Variants in MN1 observed in about 807,000 individuals in gnomAD.
The protein encoded by MN1 is transcriptional activator MN1.
MN1 carries 19 observed loss-of-function variants against 86.9 expected under a neutral mutation model. That is an observed-to-expected ratio of 0.22 (90% CI 0.15 to 0.32). The LOEUF (loss-of-function observed/expected upper bound fraction) is 0.32, where lower values mean the gene tolerates loss of function less well. Ranked by LOEUF, MN1 falls within the 10% of genes least tolerant of loss-of-function variation. The pLI, the probability that MN1 is intolerant of heterozygous loss-of-function variation, is 1.00. For synonymous variants in MN1, 928 were observed against 849.6 expected (o/e 1.09, Z -1.60); for missense variants, 1,841 against 1,862.0 (o/e 0.99, Z 0.21).
intron 1 of MN1, among the ~76,000 whole-genome samples, chr22:27,785,504 TTCTC>T (rs1933118457): frequency 1.3e-5 from 2 of 152,252 alleles, no homozygotes; most frequent in African/African-American, 4.8e-5. Flanking sequence ...TTCCAGCTCT[TTCTC>T]TCTTCGATTC....
intron 1 of MN1, among the ~76,000 whole-genome samples, chr22:27,770,152 C>T (rs533382442): frequency 1.4e-3 from 216 of 152,334 alleles, no homozygotes; most frequent in African/African-American, 4.8e-3. Context: ...TTACAACCTT[C>T]CCTCCCAAAT....
At chr22:27,777,084 C>G (rs1439716258) in intron 1 of MN1, among the ~76,000 whole-genome samples, 2 of 152,204 alleles carry the variant, frequency 1.3e-5, no homozygotes, top group Non-Finnish European at 2.9e-5. Context: ...TCCCTACAAT[C>G]CCTTTACCGC....
In MN1 at chr22:27,801,103, C is replaced by A. The variant is rs1281146648; in HGVS notation, c.-560G>T. ...CTCCCCCCGCCCCCCGGAGTCCCCG[C>A]GCCCCGCAGCCCGAGCCTCCACCGA... On this transcript the variant is annotated 5_prime_UTR_variant, in exon 1 of 2. Transcript: ENST00000302326. The A allele has an allele frequency of 1.7e-5, 4 of 231,404 alleles. No individual in the cohort carries two copies. The highest frequency in any genetic ancestry group is 2.6e-5 in the Non-Finnish European group (3 of 116,492). The allele number at this position is 231,404 out of a possible 1,614,324, so 14.3% of individuals were successfully genotyped here.
rs146705271 is a variant in MN1, at chr22:27,783,961, C to T, written c.3781+12802G>A. Among the ~76,000 whole-genome samples the T allele has an allele frequency of 3.7e-3, 567 of 152,326 alleles. 5 individuals carry two copies. Among genetic ancestry groups the T allele is most frequent in the African/African-American group, 0.013 (541 of 41,584 alleles). On this transcript the variant is annotated intron_variant, in intron 1 of 1. Coordinates refer to ENST00000302326, the MANE Select transcript of MN1 (RefSeq NM_002430.3). ...TCTCAAAGACTTTCCACGATGATGC[C>T]GCCGCAGGCTCCTGCTGGTCTGCCT...
Position 27,800,693 on chromosome 22 carries a change from T to A in MN1, c.-150A>T. ...CAGCGCGCACCTCCACCCCGCCTGATGTGAGGGACGGGGGGCGGGGTATTA... is the reference window on the plus strand; with the variant it reads ...CAGCGCGCACCTCCACCCCGCCTGAAGTGAGGGACGGGGGGCGGGGTATTA... On this transcript the variant is annotated 5_prime_UTR_variant, in exon 1 of 2. Transcript: ENST00000302326. The A allele has an allele frequency of 1.1e-6, 1 of 938,382 alleles. No homozygotes were observed. The highest frequency in any genetic ancestry group is 1.6e-6 in the Non-Finnish European group (1 of 630,362). The allele number at this position is 938,382 out of a possible 1,614,324, so 58.1% of individuals were successfully genotyped here. A position where few individuals can be genotyped will look rare whatever the true frequency, so the allele number is the denominator to read the frequency against.
chr22:27,787,916 T>G (rs1301070004), intron 1 of MN1, among the ~76,000 whole-genome samples: 2 of 152,244 alleles, frequency 1.3e-5, no homozygotes, highest in African/African-American at 2.4e-5. Context: ...AATGCGGTCA[T>G]CCAGTCTCAG....
Position 27,751,028 on chromosome 22 carries a change from G to A in MN1, c.3850C>T (p.His1284Tyr). 1.9e-6 allele frequency: 3 copies of A among 1,609,698 alleles called. No individual in the cohort carries two copies. The highest frequency in any genetic ancestry group is 2.5e-6 in the Non-Finnish European group (3 of 1,177,262). The change falls in exon 2 of 2, where the codon CAC becomes TAC. Residue 1284 changes from histidine to tyrosine, a missense_variant. Transcript: ENST00000302326. Reference sequence around the variant, plus strand: ...GCGTCACCCACGTCGTCTGTGCAGTGGACAGACAGGCACTGCAAGTGGCTG... The same window carrying A: ...GCGTCACCCACGTCGTCTGTGCAGTAGACAGACAGGCACTGCAAGTGGCTG... ...PGSHLQCLSV[H>Y]CTDDVGDAKA...
Position 27,797,478 on chromosome 22 carries a change from C to T in MN1, c.3066G>A (p.Pro1022=). ...CGCCGTCCAGGGACCCAATGAGGTC[C>T]GGCTGATCCCCCAGGAGCAACTCAG... ...KGAELLLGDQ[P]DLIGSLDGGA... The change falls in exon 1 of 2, where the codon CCG becomes CCA. Residue 1022 remains proline (P), a synonymous_variant. Coordinates refer to ENST00000302326, the MANE Select transcript of MN1 (RefSeq NM_002430.3). The T allele has an allele frequency of 6.3e-7, 1 of 1,597,974 alleles. No homozygotes were observed.
intron 1 of MN1, among the ~76,000 whole-genome samples, chr22:27,786,126 T>G (rs1186398272): frequency 6.6e-6 from 1 of 152,158 alleles, no homozygotes; most frequent in Non-Finnish European, 1.5e-5. Flanking sequence ...TCTCAAAAAC[T>G]GTTATGGCCG....
At chr22:27,773,476 C>A (rs750028529) in intron 1 of MN1, among the ~76,000 whole-genome samples, 1 of 152,108 alleles carries the variant, frequency 6.6e-6, no homozygotes, top group Non-Finnish European at 1.5e-5. Flanking sequence ...GGGAGTGCAC[C>A]GTGCAGAGCC....
Position 27,800,537 on chromosome 22 carries a change from C to T in MN1, c.7G>A (p.Gly3Arg), listed in dbSNP as rs1162136841. 4.3e-6 allele frequency: 7 copies of T among 1,614,006 alleles called. No individual in the cohort carries two copies. In the South Asian group the frequency reaches 7.7e-5, roughly 18 times the overall value. Residue 3 changes from glycine to arginine, a missense_variant, in exon 1 of 2, where the codon GGG (glycine) becomes AGG (arginine). Transcript: ENST00000302326. ...ACCTGGGGCTCGAATTGGTCCAGCC[C>T]AAACATACTTGGCGGGGGGCAGAGG... is the stretch of plus-strand genomic sequence containing the variant. MF[G>R]LDQFEPQVNS...
At chr22:27,789,113 G>C (rs1209076157) in intron 1 of MN1, among the ~76,000 whole-genome samples, 3 of 152,198 alleles carry the variant, frequency 2.0e-5, no homozygotes, top group Non-Finnish European at 2.9e-5. Context: ...CAGCACCAAA[G>C]TTAGTCCACG....
chr22:27,776,844 A>G (rs1025361971), intron 1 of MN1, among the ~76,000 whole-genome samples: 15 of 152,156 alleles, frequency 9.9e-5, no homozygotes, highest in Non-Finnish European at 1.9e-4. Flanking sequence ...AATGTGGAAG[A>G]GCCCAAAGGA....
Position 27,801,217 on chromosome 22 carries a change from A to G in MN1, c.-674T>C, listed in dbSNP as rs2146319394. The G allele has an allele frequency of 4.5e-6, 1 of 220,648 alleles. No homozygotes were observed. The highest frequency in any genetic ancestry group is 1.8e-4 in the South Asian group (1 of 5,428). The allele number at this position is 220,648 out of a possible 1,614,324, so 13.7% of individuals were successfully genotyped here. A position where few individuals can be genotyped will look rare whatever the true frequency, so the allele number is the denominator to read the frequency against. On this transcript the variant is annotated 5_prime_UTR_variant, in exon 1 of 2. An upstream start codon of the reference 5' UTR is lost. Transcript: ENST00000302326. ...CGGAGGACTGGAGGCTCCGCTCGGC[A>G]TCGCCGGTGCCGGCCCCCGAGCCGA...
In MN1 at chr22:27,801,401, C is replaced by T. The variant is rs936431552; in HGVS notation, c.-858G>A. ...GCTTCTGTTCTCCGCCGTTGGGTGT[C>T]TGAGTTCGCCGGAGTCTCCGCGCAC... On this transcript the variant is annotated 5_prime_UTR_variant, in exon 1 of 2. Transcript: ENST00000302326. 1.4e-5 allele frequency: 3 copies of T among 212,252 alleles called. No homozygotes were observed. Among genetic ancestry groups the T allele is most frequent in the African/African-American group, 4.5e-5 (2 of 44,026 alleles). The allele number at this position is 212,252 out of a possible 1,614,324, so 13.1% of individuals were successfully genotyped here.
intron 1 of MN1, among the ~76,000 whole-genome samples, chr22:27,790,483 G>A (rs1319607312): frequency 1.3e-5 from 2 of 152,260 alleles, no homozygotes; most frequent in South Asian, 2.1e-4. Context: ...ACAGTTTCTC[G>A]GGGCCCTGGG....
At chr22:27,776,664 T>C (rs1220681365) in intron 1 of MN1, among the ~76,000 whole-genome samples, 2 of 151,896 alleles carry the variant, frequency 1.3e-5, no homozygotes, top group Non-Finnish European at 2.9e-5. Context: ...TGAGGTTTTT[T>C]TTTTCCTCCC....
At chr22:27,782,312 G>T (rs2146307417) in intron 1 of MN1, among the ~76,000 whole-genome samples, 1 of 152,264 alleles carries the variant, frequency 6.6e-6, no homozygotes, top group Middle Eastern at 3.4e-3. Context: ...AGGGGCAGTG[G>T]GTCCCAGCCC....
intron 1 of MN1, among the ~76,000 whole-genome samples, chr22:27,753,047 C>G (rs930676201): frequency 6.6e-6 from 1 of 152,256 alleles, no homozygotes; most frequent in Non-Finnish European, 1.5e-5. Flanking sequence ...CCATGACTAA[C>G]TGGGCTTGGG....
Sources: allele counts gnomAD v4.1 joint callset (sites outside exome capture counted in the v4.1 genomes callset), GRCh38; gene constraint gnomAD v4.1.1; transcripts MANE v1.5; gene names NCBI Gene and HGNC (gene_info 2026-07-23, HGNC 2026-07-21).